The following NPAS4 variants were observed in gnomAD, a reference collection of about 807,000 sequenced individuals.
The protein encoded by NPAS4 is neuronal PAS domain-containing protein 4.
A neutral mutation model predicts 64.0 loss-of-function variants in NPAS4; 10 were observed. The observed-to-expected ratio is 0.16, with a 90% CI of 0.10 to 0.26. The LOEUF is 0.26. Among genes scored for constraint, NPAS4 ranks in the 10% least tolerant of loss-of-function variants. The probability of loss-of-function intolerance (pLI) is 1.00; values close to 1 mark genes in which losing one functional copy is unlikely to be tolerated. For missense variants in NPAS4, 886 were observed against 992.6 expected (o/e 0.89, Z 1.44); for synonymous variants, 441 against 411.7 (o/e 1.07, Z -0.86).
At chr11:66,414,177 C>T in the NPAS4 span, among the ~76,000 whole-genome samples, 1 of 152,108 alleles carries the variant, frequency 6.6e-6, no homozygotes. Flanking sequence ...ACTGGAGGAC[C>T]AGAAGGGCCA....
At chr11:66,415,056 T>C in the NPAS4 span, among the ~76,000 whole-genome samples, 2 of 152,178 alleles carry the variant, frequency 1.3e-5, no homozygotes, top group East Asian at 1.9e-4. Flanking sequence ...AATTTTGTCT[T>C]CCTGACAATT....
upstream of NPAS4, among the ~76,000 whole-genome samples, chr11:66,420,329 TC>T (rs1192162499): frequency 6.6e-6 from 1 of 152,212 alleles, no homozygotes; most frequent in Non-Finnish European, 1.5e-5. Flanking sequence ...ATTCAGCTGG[TC>T]CCTTTCCCAC....
chr11:66,420,671 C>T (rs1440739793), upstream of NPAS4, among the ~76,000 whole-genome samples: 1 of 152,238 alleles, frequency 6.6e-6, no homozygotes, highest in Non-Finnish European at 1.5e-5. Context: ...GGACTCCTGC[C>T]GCGGGCTTCA....
upstream of NPAS4, among the ~76,000 whole-genome samples, chr11:66,417,760 T>C (rs1408133607): frequency 6.6e-6 from 1 of 150,650 alleles, no homozygotes; most frequent in Non-Finnish European, 1.5e-5. Flanking sequence ...ATTGTAGACA[T>C]AAATACACAC....
Position 66,424,650 on chromosome 11 carries a change from C to T in NPAS4, c.1760C>T (p.Thr587Met), listed in dbSNP as rs142965018. ...AGCAGCCCTGGTAATGGGGACTGCA[C>T]GCTCTTGGCCCTAGCCCAGCTCCGG... ...SPSSPGNGDC[T>M]LLALAQLRGP... The change falls in exon 7 of 8, where the codon ACG becomes ATG. Residue 587 changes from threonine (T) to methionine (M), a missense_variant. This residue lies in a region of NPAS4 where 820 missense variants were observed against 855.5 expected (regional missense o/e 0.96). Coordinates refer to ENST00000311034, the MANE Select transcript of NPAS4 (RefSeq NM_178864.4). 1,002 of 1,614,058 alleles carry T rather than the reference C, an allele frequency of 6.2e-4. 3 individuals are homozygous for T. The African/African-American group carries it at 9.7e-3, about 16-fold the overall frequency.
At position 66,423,136 on chromosome 11, in the gene NPAS4, C is replaced by T. The variant is rs1398400277; in HGVS notation, c.712C>T (p.Leu238=). 9 of 1,608,702 alleles carry T rather than the reference C, an allele frequency of 5.6e-6. No homozygotes were observed. In the African/African-American group the frequency reaches 6.7e-5, roughly 12 times the overall value. Residue 238 remains leucine (L), a synonymous_variant, in exon 5 of 8, where the codon CTG becomes TTG. Transcript: ENST00000311034. Reference sequence around the variant, plus strand: ...CCACCTTCCCAGTGTCCTAATCTACCTGGGCTTTGAGCGCAGTGAACTGCT... The same window carrying T: ...CCACCTTCCCAGTGTCCTAATCTACTTGGGCTTTGAGCGCAGTGAACTGCT... ...LDISESVLIY[L]GFERSELLCK... is the part of the protein sequence containing the mutation.
chr11:66,424,284 C>A lies in NPAS4; in HGVS notation c.1394C>A (p.Thr465Asn), dbSNP rs763016408. 6.2e-7 allele frequency: 1 copy of A among 1,614,208 alleles called. No homozygotes were observed. The highest frequency in any genetic ancestry group is 1.1e-5 in the South Asian group (1 of 91,086). ...LQEQLTPSTA[T>N]FSDQLTPSSA... ...GAACAGCTGACTCCAAGCACTGCGA[C>A]CTTCTCTGATCAGTTGACGCCCAGC... Residue 465 changes from threonine to asparagine, a missense_variant, in exon 7 of 8, where the codon ACC (threonine) becomes AAC (asparagine). Thr to Asn is a moderately conservative substitution (Grantham distance 65). Around this residue, in one of 3 missense-constraint regions of NPAS4, gnomAD observed 820 missense variants for 855.5 expected, o/e 0.96. Transcript: ENST00000311034.
At chr11:66,423,736 AG>A (rs1181634328) in intron 6 of NPAS4, 23 bp downstream of exon 6, 9 of 1,613,858 alleles carry the variant, frequency 5.6e-6, no homozygotes, top group Admixed American at 1.7e-5. Flanking sequence ...CCAGGGGACT[AG>A]GGGGCAGCTG....
At position 66,422,692 on chromosome 11, in the gene NPAS4, G is replaced by A. The variant is rs1471054323; in HGVS notation, c.449G>A (p.Arg150His). Residue 150 changes from arginine to histidine, a missense_variant, in exon 4 of 8, where the codon CGC becomes CAC. This residue lies in a region of NPAS4 where 820 missense variants were observed against 855.5 expected (regional missense o/e 0.96). Coordinates refer to ENST00000311034, the MANE Select transcript of NPAS4 (RefSeq NM_178864.4). ...ALDTDRLFRC[R>H]FNTSKSLRRQ... ...TATCTAGATCGCCTCTTCCGCTGCC[G>A]CTTCAACACCTCCAAGTCCCTCAGG... 4.3e-6 allele frequency: 7 copies of A among 1,613,662 alleles called. No homozygotes were observed. The highest frequency in any genetic ancestry group is 3.3e-5 in the South Asian group (3 of 91,090).
chr11:66,418,252 T>C (rs183088686), upstream of NPAS4, among the ~76,000 whole-genome samples: 9 of 152,288 alleles, frequency 5.9e-5, no homozygotes. Context: ...GTTCTGCTGC[T>C]GCCTGCCACT....
At chr11:66,420,543 G>A (rs1590692307), upstream of NPAS4, among the ~76,000 whole-genome samples, 1 of 152,250 alleles carries the variant, frequency 6.6e-6, no homozygotes, top group African/African-American at 2.4e-5. Context: ...TTCCCTGCAT[G>A]TGAACGTGAC....
chr11:66,425,027 A>C lies in NPAS4; in HGVS notation c.2137A>C (p.Ile713Leu). ...MFLEETPVED[I>L]FMDLSTPDPS... Reference sequence around the variant, plus strand: ...CCTGGAAGAGACGCCCGTGGAAGACATCTTCATGGATCTCTCTACCCCAGA... The same window carrying C: ...CCTGGAAGAGACGCCCGTGGAAGACCTCTTCATGGATCTCTCTACCCCAGA... The change falls in exon 7 of 8, where the codon ATC (isoleucine) becomes CTC (leucine). Residue 713 changes from isoleucine (I) to leucine (L), a missense_variant. Coordinates refer to ENST00000311034, the MANE Select transcript of NPAS4 (RefSeq NM_178864.4). The C allele has an allele frequency of 6.2e-7, 1 of 1,613,580 alleles. No individual in the cohort carries two copies. The highest frequency in any genetic ancestry group is 1.1e-5 in the South Asian group (1 of 90,980).
chr11:66,422,381 A>T lies in NPAS4; in HGVS notation c.328-70A>T, dbSNP rs1856758518. The T allele has an allele frequency of 3.4e-6, 5 of 1,465,826 alleles. No individual in the cohort carries two copies. In the Admixed American group the frequency reaches 8.4e-5, roughly 24 times the overall value. The allele number at this position is 1,465,826 out of a possible 1,614,324, so 90.8% of individuals were successfully genotyped here. On this transcript the variant is annotated intron_variant, in intron 2 of 7. Transcript: ENST00000311034. ...ATGGAGGGAGAGGTTATACCCTACA[A>T]GATACTGTAGATCAAAGATTGGCTC...
Position 66,422,204 on chromosome 11 carries a change from T to A in NPAS4, c.260T>A (p.Val87Glu). 6.2e-7 allele frequency: 1 copy of A among 1,614,052 alleles called. No individual in the cohort carries two copies. The highest frequency in any genetic ancestry group is 8.5e-7 in the Non-Finnish European group (1 of 1,179,978). The part of the protein sequence containing the change: ...IVAALPGFLL[V>E]FTAEGKLLYL... ...GCGGCACTACCCGGCTTTCTGCTTG[T>A]GTTCACAGCCGAGGGGAAATTGCTC... The change falls in exon 2 of 8, where the codon GTG (valine) becomes GAG (glutamate). Residue 87 changes from valine to glutamate, a missense_variant. By Grantham distance (121) the Val-to-Glu change is moderately radical. Coordinates refer to ENST00000311034, the MANE Select transcript of NPAS4 (RefSeq NM_178864.4).
chr11:66,425,379 G>A (rs1192235652), intron 7 of NPAS4, 109 bp downstream of exon 7: 2 of 578,528 alleles, frequency 3.5e-6, no homozygotes, highest in Non-Finnish European at 5.8e-6. Flanking sequence ...TTTATTAAGG[G>A]GATGACATCC....
chr11:66,422,530 C>T lies in NPAS4; in HGVS notation c.407C>T (p.Thr136Ile). Reference protein sequence around the residue: ...ADHLTVRQQLTLPSALDTDRL... With the variant: ...ADHLTVRQQLILPSALDTDRL... ...CACCTCACTGTGCGCCAGCAACTCA[C>T]CCTGCCCTCTGCCCTGGACACTGGT... Residue 136 changes from threonine to isoleucine, a missense_variant, in exon 3 of 8, where the codon ACC becomes ATC. By Grantham distance (89) the Thr-to-Ile change is moderately conservative. Around this residue, in one of 3 missense-constraint regions of NPAS4, gnomAD observed 820 missense variants for 855.5 expected, o/e 0.96. Transcript: ENST00000311034. 1 of 1,613,998 alleles carries T rather than the reference C, an allele frequency of 6.2e-7. No individual in the cohort carries two copies. The highest frequency in any genetic ancestry group is 8.5e-7 in the Non-Finnish European group (1 of 1,179,876).
chr11:66,412,533 T>G, the NPAS4 span, among the ~76,000 whole-genome samples: 2 of 152,376 alleles, frequency 1.3e-5, no homozygotes, highest in South Asian at 2.1e-4. Context: ...CTGCATAGCC[T>G]TGTTCAAAAT....
upstream of NPAS4, among the ~76,000 whole-genome samples, chr11:66,420,702 T>A (rs2134639770): frequency 6.6e-6 from 1 of 152,314 alleles, no homozygotes; most frequent in Non-Finnish European, 1.5e-5. Flanking sequence ...AACCTGGCCC[T>A]GTCGCTTCCC....
At position 66,424,478 on chromosome 11, in the gene NPAS4, C is replaced by G. The variant is rs1856808153; in HGVS notation, c.1588C>G (p.Gln530Glu). 1 of 1,614,170 alleles carries G rather than the reference C, an allele frequency of 6.2e-7. No individual in the cohort carries two copies. The highest frequency in any genetic ancestry group is 1.7e-5 in the Admixed American group (1 of 60,030). The change falls in exon 7 of 8, where the codon CAG becomes GAG. Residue 530 changes from glutamine to glutamate, a missense_variant. This residue lies in a region of NPAS4 where 820 missense variants were observed against 855.5 expected (regional missense o/e 0.96). Coordinates refer to ENST00000311034, the MANE Select transcript of NPAS4 (RefSeq NM_178864.4). ...PEPLGSPAHE[Q>E]LTPPSTAFQA... ...GCCTCTGGGCAGCCCTGCCCATGAA[C>G]AGCTGACTCCTCCCAGCACAGCATT...
Sources: gnomAD v4.1 joint callset for allele counts (sites outside exome capture counted in the v4.1 genomes callset) on GRCh38, gnomAD v4.1.1 for gene constraint, gnomAD v4.1.1 regional missense constraint, MANE v1.5 for transcripts, NCBI Gene and HGNC (gene_info 2026-07-23, HGNC 2026-07-21) for gene names.